Variants in PTAFR observed in about 807,000 individuals in gnomAD.
PTAFR encodes platelet activating factor receptor.
In PTAFR, 8 loss-of-function variants were observed where a neutral mutation model predicts 14.7. That is an observed-to-expected ratio of 0.54 (90% CI 0.32 to 0.98). The LOEUF (loss-of-function observed/expected upper bound fraction) is 0.98, where lower values mean the gene tolerates loss of function less well. Ranked by LOEUF, PTAFR falls within the 50% of genes least tolerant of loss-of-function variation. PTAFR has a pLI of 0.04. For missense variants in PTAFR, 337 were observed against 451.2 expected (o/e 0.75, Z 2.29); for synonymous variants, 156 against 176.5 (o/e 0.88, Z 0.92).
chr1:28,161,960 A>C (rs1316911116), intron 1 of PTAFR, among the ~76,000 whole-genome samples: 1 of 152,230 alleles, frequency 6.6e-6, no homozygotes, highest in Non-Finnish European at 1.5e-5. Flanking sequence ...TGTAATGGGA[A>C]TAATTTCATC....
At chr1:28,169,901 G>A (rs759381917) in intron 1 of PTAFR, among the ~76,000 whole-genome samples, 6 of 151,990 alleles carry the variant, frequency 3.9e-5, no homozygotes, top group East Asian at 1.9e-4. Context: ...TCGGGAGGCC[G>A]AGGCAGGGGA....
At chr1:28,163,389 A>T (rs1646347106) in intron 1 of PTAFR, among the ~76,000 whole-genome samples, 1 of 152,166 alleles carries the variant, frequency 6.6e-6, no homozygotes, top group South Asian at 2.1e-4. Context: ...AGTGTCGGGC[A>T]CCGAGGAATG....
intron 1 of PTAFR, among the ~76,000 whole-genome samples, chr1:28,154,537 C>T (rs1409560235): frequency 6.6e-6 from 1 of 152,004 alleles, no homozygotes; most frequent in Non-Finnish European, 1.5e-5. Context: ...TTGGGCCGGC[C>T]GTGGTGGCTC....
chr1:28,185,664 C>A (rs1226557415), intron 1 of PTAFR, among the ~76,000 whole-genome samples: 1 of 151,962 alleles, frequency 6.6e-6, no homozygotes, highest in East Asian at 1.9e-4. Context: ...GGAATAATCA[C>A]AACCTTATTC....
intron 1 of PTAFR, among the ~76,000 whole-genome samples, chr1:28,165,509 C>T (rs1250552395): frequency 1.3e-5 from 2 of 151,316 alleles, no homozygotes; most frequent in South Asian, 4.2e-4. Flanking sequence ...GAAGGTCAGG[C>T]GCGGTGCCTC....
intron 1 of PTAFR, among the ~76,000 whole-genome samples, chr1:28,186,326 A>AT (rs1468380635): frequency 6.6e-6 from 1 of 150,884 alleles, no homozygotes; most frequent in African/African-American, 2.4e-5. Context: ...TACAAAAGTT[A>AT]TTTAAAAAAA....
intron 1 of PTAFR, among the ~76,000 whole-genome samples, chr1:28,192,335 G>A (rs1055444578): frequency 3.3e-5 from 5 of 152,002 alleles, no homozygotes; most frequent in African/African-American, 4.8e-5. Flanking sequence ...CGAGGCGGGT[G>A]GATCACCTGA....
chr1:28,154,574 T>C (rs1416294670), intron 1 of PTAFR, among the ~76,000 whole-genome samples: 1 of 151,948 alleles, frequency 6.6e-6, no homozygotes, highest in Non-Finnish European at 1.5e-5. Context: ...CACTTTGGGA[T>C]GCCAAGGTGG....
At position 28,148,656 on chromosome 1, in the gene PTAFR, G is replaced by A. The variant is rs1287080940; in HGVS notation, c.*1337C>T. The stretch of plus-strand genomic sequence containing the variant: ...TTTTTGTATTTTTAGTAGAGACGGG[G>A]TTTTACCATATTGGTCAGGCTGGTC... On this transcript the variant is annotated 3_prime_UTR_variant, in exon 2 of 2. Transcript: ENST00000373857. The A allele has an allele frequency of 6.6e-6, 1 of 152,328 alleles. No homozygotes were observed. Among genetic ancestry groups the A allele is most frequent in the African/African-American group, 2.4e-5 (1 of 41,426 alleles). The allele number at this position is 152,328 out of a possible 1,614,324, so 9.4% of individuals were successfully genotyped here. A position where few individuals can be genotyped will look rare whatever the true frequency, so the allele number is the denominator to read the frequency against.
intron 1 of PTAFR, among the ~76,000 whole-genome samples, chr1:28,154,804 T>C: frequency 1.1e-5 from 1 of 93,864 alleles, no homozygotes; most frequent in Non-Finnish European, 1.9e-5. Flanking sequence ...AGAGCAAGAC[T>C]CTGTCTCAAA....
chr1:28,163,155 C>A (rs1388798130), intron 1 of PTAFR, among the ~76,000 whole-genome samples: 1 of 152,174 alleles, frequency 6.6e-6, no homozygotes, highest in African/African-American at 2.4e-5. Context: ...AAATCTTACT[C>A]ATCTTAAGAC....
At chr1:28,180,305 G>A (rs187511075), upstream of PTAFR, among the ~76,000 whole-genome samples, 56 of 151,996 alleles carry the variant, frequency 3.7e-4, no homozygotes, top group Non-Finnish European at 6.3e-4. Context: ...GCCTGAACCC[G>A]GGAGGCAGAG....
At position 28,148,160 on chromosome 1, in the gene PTAFR, G is replaced by A. The variant is rs1445535418; in HGVS notation, c.*1833C>T. The A allele has an allele frequency of 1.3e-5, 2 of 152,246 alleles. No homozygotes were observed. Among genetic ancestry groups the A allele is most frequent in the East Asian group, 1.9e-4 (1 of 5,200 alleles). The allele number at this position is 152,246 out of a possible 1,614,324, so 9.4% of individuals were successfully genotyped here. The stretch of plus-strand genomic sequence containing the variant: ...AGTTTCCTCTGAGCCCCTTGGGTCT[G>A]AGGCTGCCAGGTTCACACTGCAGAT... On this transcript the variant is annotated 3_prime_UTR_variant, in exon 2 of 2. Transcript: ENST00000373857.
Position 28,150,488 on chromosome 1 carries a change from C to T in PTAFR, c.534G>A (p.Glu178=), listed in dbSNP as rs751397948. ...GNVTRCFEHY[E]KGSVPVLIIH... ...TGATGAGGACTGGCACGCTGCCCTT[C>T]TCGTAATGCTCAAAGCAGCGAGTGA... Residue 178 remains glutamate (E), a synonymous_variant, in exon 2 of 2, where the codon GAG becomes GAA. Transcript: ENST00000373857. The surrounding 1 kb of genome is among the most constrained non-coding windows in gnomAD (Gnocchi z 6.3). 1 of 1,614,240 alleles carries T rather than the reference C, an allele frequency of 6.2e-7. No homozygotes were observed. The highest frequency in any genetic ancestry group is 8.5e-7 in the Non-Finnish European group (1 of 1,180,046).
intron 1 of PTAFR, among the ~76,000 whole-genome samples, chr1:28,172,169 C>T (rs953455602): frequency 1.3e-5 from 2 of 152,198 alleles, no homozygotes; most frequent in African/African-American, 4.8e-5. Flanking sequence ...GCGCATGCCA[C>T]CATGCCTGGC....
intron 1 of PTAFR, 125 bp from the exon 2 acceptor site, chr1:28,151,184 T>A: frequency 4.9e-6 from 1 of 203,282 alleles, no homozygotes; most frequent in Non-Finnish European, 9.6e-6. Context: ...ATGTTGAATC[T>A]TTTTTTTTTT....
At chr1:28,192,238 T>C (rs1646659398) in intron 1 of PTAFR, among the ~76,000 whole-genome samples, 1 of 152,082 alleles carries the variant, frequency 6.6e-6, no homozygotes, top group Non-Finnish European at 1.5e-5. Flanking sequence ...TAATACCTAC[T>C]TCATAAAGGT....
chr1:28,189,261 T>C (rs1646631362), intron 1 of PTAFR, among the ~76,000 whole-genome samples: 1 of 151,676 alleles, frequency 6.6e-6, no homozygotes, highest in African/African-American at 2.4e-5. Context: ...GTATGATTCT[T>C]CAGTGCGATC....
At chr1:28,182,068 G>A (rs1646567037) in intron 1 of PTAFR, among the ~76,000 whole-genome samples, 1 of 152,188 alleles carries the variant, frequency 6.6e-6, no homozygotes, top group African/African-American at 2.4e-5. Flanking sequence ...AGGCGCAGTG[G>A]CTCATGCCTG....
Sources: allele counts gnomAD v4.1 joint callset (sites outside exome capture counted in the v4.1 genomes callset), GRCh38; gene constraint gnomAD v4.1.1; non-coding constraint Gnocchi (gnomAD v3.1); transcripts MANE v1.5; gene names NCBI Gene and HGNC (gene_info 2026-07-23, HGNC 2026-07-21).